Variants in ZSWIM6 observed in about 807,000 individuals in gnomAD.
The protein encoded by ZSWIM6 is zinc finger SWIM domain-containing protein 6.
In ZSWIM6, 9 loss-of-function variants were observed where a neutral mutation model predicts 113.2. The observed-to-expected ratio is 0.08, with a 90% confidence interval of 0.05 to 0.14. ZSWIM6 has a LOEUF of 0.14. Among genes scored for constraint, ZSWIM6 ranks in the 10% least tolerant of loss-of-function variants. The pLI is 1.00. For synonymous variants in ZSWIM6, 611 were observed against 606.5 expected, an observed-to-expected ratio of 1.01 and a Z score of -0.11; for missense variants, 1,162 against 1,552.2, an observed-to-expected ratio of 0.75 and a Z score of 4.22.
chr5:61,359,834 A>G (rs1744994242), intron 1 of ZSWIM6, among the ~76,000 whole-genome samples: 1 of 152,174 alleles, frequency 6.6e-6, no homozygotes, highest in Admixed American at 6.5e-5. Flanking sequence ...CAGTCAGGAA[A>G]ATGGAAAAAA....
At chr5:61,353,165 A>G (rs1418830679) in intron 1 of ZSWIM6, among the ~76,000 whole-genome samples, 1 of 152,188 alleles carries the variant, frequency 6.6e-6, no homozygotes, top group Non-Finnish European at 1.5e-5. Context: ...GTGGTCTTGG[A>G]GAAACCTGAA....
At chr5:61,510,033 A>G (rs549853990) in intron 4 of ZSWIM6, among the ~76,000 whole-genome samples, 1 of 151,688 alleles carries the variant, frequency 6.6e-6, no homozygotes, top group South Asian at 2.1e-4. Context: ...AGTCTAAACA[A>G]CCCGATGAGG....
At chr5:61,358,995 G>A (rs1744977646) in intron 1 of ZSWIM6, among the ~76,000 whole-genome samples, 1 of 152,210 alleles carries the variant, frequency 6.6e-6, no homozygotes, top group African/African-American at 2.4e-5. Context: ...AAGCTCTGCT[G>A]TATAGAGGAC....
At chr5:61,536,663 G>A (rs1749582001) in intron 10 of ZSWIM6, among the ~76,000 whole-genome samples, 2 of 152,178 alleles carry the variant, frequency 1.3e-5, no homozygotes, top group Admixed American at 6.5e-5. Context: ...AGTATTGAGT[G>A]TAGCTTATGT....
intron 4 of ZSWIM6, 108 bp from the exon 5 acceptor site, chr5:61,521,155 A>G: frequency 1.7e-6 from 1 of 582,500 alleles, no homozygotes; most frequent in Non-Finnish European, 2.4e-6. Context: ...AATTTTAAAT[A>G]TATAAATTAC....
chr5:61,529,258 T>C (rs770285152), intron 7 of ZSWIM6, among the ~76,000 whole-genome samples: 8 of 152,226 alleles, frequency 5.3e-5, no homozygotes, highest in Non-Finnish European at 1.0e-4. Flanking sequence ...AGTAAACACT[T>C]AGATGTAAAA....
rs1391335960 is a variant in ZSWIM6, at chr5:61,332,347, G to C, written c.75G>C (p.Gly25=). 27 of 966,582 alleles carry C rather than the reference G, an allele frequency of 2.8e-5. No homozygotes were observed. The highest frequency in any genetic ancestry group is 5.9e-5 in the Admixed American group (1 of 17,026). 59.9% of individuals were successfully genotyped at this position (966,582 alleles called of 1,614,324 possible). Residue 25 remains glycine (G), a synonymous_variant, in exon 1 of 14, where the codon GGG becomes GGC. Coordinates refer to ENST00000252744, the MANE Select transcript of ZSWIM6 (RefSeq NM_020928.2). ...CCRPGGGGGG[G]GSSGGGGGAG... ...GGCCGGGCGGCGGCGGCGGCGGCGG[G>C]GGCAGCAGCGGCGGCGGCGGCGGCG...
At chr5:61,377,710 C>T (rs911250085) in intron 1 of ZSWIM6, among the ~76,000 whole-genome samples, 2 of 143,252 alleles carry the variant, frequency 1.4e-5, no homozygotes, top group Admixed American at 6.9e-5. Context: ...AGCGAGACTT[C>T]GTCTCAAAAA....
At position 61,364,729 on chromosome 5, in the gene ZSWIM6, C is replaced by T. The variant is rs140620532; in HGVS notation, c.676+31781C>T. Reference sequence around the variant, plus strand: ...CGTAGATGACACCTTCTTGTTCTGACCTCACATGATGGGAAGAATGAGGGG... The same window carrying T: ...CGTAGATGACACCTTCTTGTTCTGATCTCACATGATGGGAAGAATGAGGGG... On this transcript the variant is annotated intron_variant, in intron 1 of 13. Transcript: ENST00000252744. Among the ~76,000 whole-genome samples, 160 of 152,252 alleles carry T rather than the reference C, an allele frequency of 1.1e-3. 1 individual carries two copies. Among genetic ancestry groups the T allele is most frequent in the African/African-American group, 3.6e-3 (150 of 41,546 alleles).
At chr5:61,440,361 A>T (rs1256556221) in intron 1 of ZSWIM6, among the ~76,000 whole-genome samples, 1 of 21,674 alleles carries the variant, frequency 4.6e-5, no homozygotes, top group Non-Finnish European at 7.3e-5. Flanking sequence ...TCATTGGTGT[A>T]AAAAAAAAAA....
At chr5:61,542,801 CT>C (rs1749777125) in intron 13 of ZSWIM6, among the ~76,000 whole-genome samples, 3 of 152,332 alleles carry the variant, frequency 2.0e-5, no homozygotes, top group African/African-American at 2.4e-5. Context: ...TTCTTTGCCC[CT>C]GCCCCAACAT....
chr5:61,485,942 CAA>C (rs2073742763), intron 2 of ZSWIM6, among the ~76,000 whole-genome samples: 1 of 152,086 alleles, frequency 6.6e-6, no homozygotes, highest in South Asian at 2.1e-4. Context: ...TTATAAACCT[CAA>C]TATTTATATG....
chr5:61,462,057 C>CTT (rs1747333392), intron 1 of ZSWIM6, among the ~76,000 whole-genome samples: 1 of 152,194 alleles, frequency 6.6e-6, no homozygotes, highest in African/African-American at 2.4e-5. Context: ...ATGACAGTAA[C>CTT]TTACAGTCCT....
At chr5:61,409,090 TTTTTC>T (rs1295435383) in intron 1 of ZSWIM6, among the ~76,000 whole-genome samples, 2 of 122,130 alleles carry the variant, frequency 1.6e-5, no homozygotes, top group Non-Finnish European at 3.4e-5. Context: ...TTTTTTTTTT[TTTTTC>T]CCGTTTTTGA....
intron 2 of ZSWIM6, among the ~76,000 whole-genome samples, chr5:61,473,873 C>T (rs943443046): frequency 6.6e-5 from 10 of 152,108 alleles, no homozygotes; most frequent in Non-Finnish European, 2.9e-5. Flanking sequence ...GTCTCTCAAC[C>T]CTATTCTTTT....
chr5:61,380,405 G>A (rs999253863), intron 1 of ZSWIM6, among the ~76,000 whole-genome samples: 12 of 152,168 alleles, frequency 7.9e-5, no homozygotes, highest in African/African-American at 2.9e-4. Flanking sequence ...GTATTCTCTT[G>A]TAAGTTTTCC....
intron 1 of ZSWIM6, among the ~76,000 whole-genome samples, chr5:61,397,165 A>G (rs1317969719): frequency 1.3e-5 from 2 of 152,212 alleles, no homozygotes; most frequent in Non-Finnish European, 2.9e-5. Flanking sequence ...TTTAGACTCA[A>G]TCTAAAAACC....
chr5:61,356,640 GCTGT>G (rs1744912616), intron 1 of ZSWIM6, among the ~76,000 whole-genome samples: 1 of 144,438 alleles, frequency 6.9e-6, no homozygotes, highest in South Asian at 2.1e-4. Flanking sequence ...ATAGTAATAA[GCTGT>G]CTTACAGGTT....
intron 1 of ZSWIM6, among the ~76,000 whole-genome samples, chr5:61,418,520 A>T (rs959650430): frequency 1.3e-5 from 2 of 152,002 alleles, no homozygotes; most frequent in African/African-American, 4.8e-5. Flanking sequence ...CGGCCTCCCA[A>T]AGTGCCGGGA....
Sources: allele counts gnomAD v4.1 joint callset (sites outside exome capture counted in the v4.1 genomes callset), GRCh38; gene constraint gnomAD v4.1.1; transcripts MANE v1.5; gene names NCBI Gene and HGNC (gene_info 2026-07-23, HGNC 2026-07-21).